The following PKIG variants were observed in gnomAD, a reference collection of about 807,000 sequenced individuals.
PKIG encodes the protein protein kinase (cAMP-dependent, catalytic) inhibitor gamma.
In PKIG, 1 loss-of-function variant was observed where a neutral mutation model predicts 6.8. That is an observed-to-expected ratio of 0.15 (90% CI 0.05 to 0.69). The LOEUF (loss-of-function observed/expected upper bound fraction) is 0.69, where lower values mean the gene tolerates loss of function less well. Ranked by LOEUF, PKIG falls within the 30% of genes least tolerant of loss-of-function variation. The probability of loss-of-function intolerance (pLI) is 0.82; values close to 1 mark genes in which losing one functional copy is unlikely to be tolerated. For synonymous variants in PKIG, 39 were observed against 43.0 expected, an observed-to-expected ratio of 0.91 and a Z score of 0.36; for missense variants, 77 against 104.0, an observed-to-expected ratio of 0.74 and a Z score of 1.13.
At position 44,610,498 on chromosome 20, in the gene PKIG, T is replaced by TCACACACACACACA. The variant is rs1379954369; in HGVS notation, c.-23-4035_-23-4034insACACACACACACAC. On this transcript the variant is annotated intron_variant, in intron 2 of 3. Coordinates refer to ENST00000372886, the MANE Select transcript of PKIG (RefSeq NM_001281445.2). ...TCTCTCTCTCTCTTCTCTCTCTCTCTCTCACACACACACACACACACACAC... is the reference window on the plus strand; with the variant it reads ...TCTCTCTCTCTCTTCTCTCTCTCTCTCACACACACACACACTCACACACACACACACACACACAC... Among the ~76,000 whole-genome samples, 1,093 of 119,462 alleles carry TCACACACACACACA rather than the reference T, an allele frequency of 9.1e-3. 16 individuals are homozygous for TCACACACACACACA. The highest frequency in any genetic ancestry group is 0.036 in the African/African-American group (1,055 of 29,330). The allele number at this position is 119,462 out of a possible 152,430, so 78.4% of individuals were successfully genotyped here.
chr20:44,581,464 C>T (rs1055888352), upstream of PKIG, among the ~76,000 whole-genome samples: 16 of 152,132 alleles, frequency 1.1e-4, no homozygotes, highest in Admixed American at 9.2e-4. Context: ...TCTGTGGCTC[C>T]CAAATGATGT....
intron 1 of PKIG, among the ~76,000 whole-genome samples, chr20:44,555,368 A>G (rs2064704186): frequency 6.6e-6 from 1 of 152,362 alleles, no homozygotes; most frequent in East Asian, 1.9e-4. Flanking sequence ...ATTTCTGACC[A>G]GAATTGTTTG....
rs192261890 is a variant in PKIG at position 44,537,113 on chromosome 20, A to T, written c.-241+5135A>T. Among the ~76,000 whole-genome samples, 790 of 150,530 alleles carry T rather than the reference A, an allele frequency of 5.2e-3. 3 individuals carry two copies. The highest frequency in any genetic ancestry group is 0.018 in the African/African-American group (730 of 40,900). On this transcript the variant is annotated intron_variant, in intron 1 of 4. Coordinates refer to the PKIG transcript ENST00000372887. ...CCCGGCTAATTTTTGTATTATTATT[A>T]TTTTTTTTGAGATGGAGTTTCACTC...
intron 2 of PKIG, among the ~76,000 whole-genome samples, chr20:44,596,771 C>T (rs747878888): frequency 2.0e-5 from 3 of 152,160 alleles, no homozygotes; most frequent in Non-Finnish European, 4.4e-5. Context: ...GACTCCCTTA[C>T]TGTCTGAAGG....
intron 1 of PKIG, among the ~76,000 whole-genome samples, chr20:44,553,040 A>G (rs574756839): frequency 5.9e-5 from 9 of 152,304 alleles, no homozygotes; most frequent in African/African-American, 2.2e-4. Flanking sequence ...TAGTCCTGTC[A>G]GTAAAAGAGC....
intron 1 of PKIG, among the ~76,000 whole-genome samples, chr20:44,587,327 C>A (rs1328685420): frequency 6.6e-6 from 1 of 152,232 alleles, no homozygotes; most frequent in South Asian, 2.1e-4. Flanking sequence ...TGCTCTCTCC[C>A]TACAATTCCT....
intron 1 of PKIG, among the ~76,000 whole-genome samples, chr20:44,557,545 G>T (rs1050184648): frequency 3.4e-5 from 5 of 147,144 alleles, no homozygotes; most frequent in African/African-American, 1.0e-4. Context: ...AAAAGGCCAG[G>T]TGCGGTGGCT....
intron 1 of PKIG, among the ~76,000 whole-genome samples, chr20:44,552,324 T>G (rs980237712): frequency 6.6e-6 from 1 of 152,224 alleles, no homozygotes; most frequent in Non-Finnish European, 1.5e-5. Context: ...GATTGTGTGT[T>G]TCCCTTTTCT....
chr20:44,533,514 T>G (rs2064486166), intron 1 of PKIG, among the ~76,000 whole-genome samples: 2 of 152,180 alleles, frequency 1.3e-5, no homozygotes, highest in African/African-American at 4.8e-5. Context: ...TAGCATAGTT[T>G]GGAGATTCAG....
At chr20:44,542,842 C>G (rs763365647) in intron 1 of PKIG, among the ~76,000 whole-genome samples, 1 of 152,214 alleles carries the variant, frequency 6.6e-6, no homozygotes, top group African/African-American at 2.4e-5. Context: ...ATAGGCCCAC[C>G]TCACCCTCCC....
chr20:44,543,637 T>G (rs2064582864), intron 1 of PKIG, among the ~76,000 whole-genome samples: 1 of 152,210 alleles, frequency 6.6e-6, no homozygotes, highest in Admixed American at 6.5e-5. Flanking sequence ...CAGGCTTCTT[T>G]CCCTAAGATT....
intron 1 of PKIG, among the ~76,000 whole-genome samples, chr20:44,572,009 G>A (rs903447622): frequency 6.6e-6 from 1 of 152,136 alleles, no homozygotes; most frequent in Non-Finnish European, 1.5e-5. Flanking sequence ...ACATGTTTTT[G>A]TTTGTTTGTT....
chr20:44,602,475 G>A (rs6017367), intron 2 of PKIG, among the ~76,000 whole-genome samples: 18 of 152,168 alleles, frequency 1.2e-4, no homozygotes, highest in Middle Eastern at 3.4e-3. Context: ...CCCTATGCCC[G>A]GCACAGTGCC....
At chr20:44,560,333 C>T (rs1000137251) in intron 1 of PKIG, among the ~76,000 whole-genome samples, 2 of 152,136 alleles carry the variant, frequency 1.3e-5, no homozygotes, top group Admixed American at 1.3e-4. Context: ...CACTGGTTTA[C>T]ACTCCCATCT....
chr20:44,539,928 T>C (rs1390758386), intron 1 of PKIG, among the ~76,000 whole-genome samples: 1 of 152,176 alleles, frequency 6.6e-6, no homozygotes, highest in African/African-American at 2.4e-5. Context: ...ACTTCTCATA[T>C]TCTGCATTTG....
intron 1 of PKIG, among the ~76,000 whole-genome samples, chr20:44,539,658 A>G (rs1258439593): frequency 1.3e-5 from 2 of 151,892 alleles, no homozygotes; most frequent in East Asian, 3.9e-4. Context: ...ACCTCAGGTG[A>G]TCCACCTGCC....
chr20:44,533,339 A>T (rs1353312414), intron 1 of PKIG, among the ~76,000 whole-genome samples: 1 of 152,232 alleles, frequency 6.6e-6, no homozygotes, highest in African/African-American at 2.4e-5. Context: ...TAATTCAAAA[A>T]ATATTTAATG....
chr20:44,563,697 T>G (rs992308669), intron 1 of PKIG, among the ~76,000 whole-genome samples: 6 of 152,016 alleles, frequency 3.9e-5, no homozygotes, highest in Non-Finnish European at 8.8e-5. Flanking sequence ...ACCTTGCTAA[T>G]TTTTGTATTT....
intron 3 of PKIG, among the ~76,000 whole-genome samples, chr20:44,615,595 C>A (rs2065257476): frequency 6.6e-6 from 1 of 152,038 alleles, no homozygotes; most frequent in Non-Finnish European, 1.5e-5. Flanking sequence ...TTCCCTGACC[C>A]CTGCACGGCT....
Sources: allele counts gnomAD v4.1 joint callset (sites outside exome capture counted in the v4.1 genomes callset), GRCh38; gene constraint gnomAD v4.1.1; transcripts MANE v1.5; gene names NCBI Gene and HGNC (gene_info 2026-07-23, HGNC 2026-07-21).